The following SOCS7 variants were observed in gnomAD, a reference collection of about 807,000 sequenced individuals.
SOCS7 encodes NAP-4.
A neutral mutation model predicts 58.9 loss-of-function variants in SOCS7; 18 were observed. The ratio of observed to expected loss-of-function variants is 0.31; its 90% CI spans 0.21 to 0.45. SOCS7 has a LOEUF of 0.45. SOCS7 is among the 20% of genes least tolerant of loss of function. The pLI is 1.00. For missense variants in SOCS7, 667 were observed against 837.3 expected (o/e 0.80, Z 2.51); for synonymous variants, 388 against 364.3 (o/e 1.06, Z -0.74).
At chr17:38,366,513 G>A in intron 5 of SOCS7, 96 bp downstream of exon 5, 1 of 1,465,008 alleles carries the variant, frequency 6.8e-7, no homozygotes, top group South Asian at 1.2e-5. Context: ...TTTATTTTTA[G>A]AGACAGGGTC....
chr17:38,368,102 T>A, intron 6 of SOCS7, 52 bp downstream of exon 6: 5 of 1,494,704 alleles, frequency 3.3e-6, no homozygotes, highest in Admixed American at 2.1e-5. Flanking sequence ...TGCTCTACCT[T>A]TGCTGTCTGA....
Position 38,351,922 on chromosome 17 carries a change from A to T in SOCS7, c.-131A>T, listed in dbSNP as rs1262107219. Among the ~76,000 whole-genome samples, 1 of 150,292 alleles carries T rather than the reference A, an allele frequency of 6.7e-6. No individual in the cohort carries two copies. Among genetic ancestry groups the T allele is most frequent in the East Asian group, 2.0e-4 (1 of 5,008 alleles). On this transcript the variant is annotated 5_prime_UTR_variant, in exon 1 of 10. It removes an upstream start codon present in the reference 5' UTR. Coordinates refer to ENST00000612932, the MANE Select transcript of SOCS7 (RefSeq NM_014598.4). ...CTCCGCGCGCCCCCCGCCCCCCTCT[A>T]TGAGGCAGAGGCCGCGGCGGCCGTT... is the stretch of plus-strand genomic sequence containing the variant.
At chr17:38,397,181 C>T (rs986648752) in intron 9 of SOCS7, among the ~76,000 whole-genome samples, 6 of 152,086 alleles carry the variant, frequency 3.9e-5, no homozygotes, top group Admixed American at 6.5e-5. Context: ...ACCCAGAGCA[C>T]GGAGGTTTTA....
chr17:38,359,996 A>C (rs2037694682), intron 1 of SOCS7, among the ~76,000 whole-genome samples: 1 of 151,174 alleles, frequency 6.6e-6, no homozygotes, highest in African/African-American at 2.4e-5. Context: ...CAGGCTGGTC[A>C]CGAACTCCTG....
intron 1 of SOCS7, among the ~76,000 whole-genome samples, chr17:38,356,142 T>C (rs1555566775): frequency 6.6e-6 from 1 of 152,014 alleles, no homozygotes; most frequent in African/African-American, 2.4e-5. Context: ...CTGCCTGCCT[T>C]GGCCTCCCAA....
At chr17:38,362,777 T>C (rs1347677333) in intron 2 of SOCS7, among the ~76,000 whole-genome samples, 1 of 152,218 alleles carries the variant, frequency 6.6e-6, no homozygotes, top group Non-Finnish European at 1.5e-5. Flanking sequence ...TGCGATACCA[T>C]GTCTTTCTAG....
At chr17:38,380,745 G>C (rs953657638) in intron 7 of SOCS7, among the ~76,000 whole-genome samples, 4 of 152,192 alleles carry the variant, frequency 2.6e-5, no homozygotes, top group African/African-American at 9.6e-5. Flanking sequence ...TGTAGTCCCA[G>C]CTACCTGGGA....
At chr17:38,383,306 C>T (rs1386860772) in intron 7 of SOCS7, among the ~76,000 whole-genome samples, 1 of 152,114 alleles carries the variant, frequency 6.6e-6, no homozygotes, top group Non-Finnish European at 1.5e-5. Flanking sequence ...CAATGCCTGA[C>T]ACAGAGTAAG....
intron 6 of SOCS7, among the ~76,000 whole-genome samples, chr17:38,370,200 G>A (rs1006418119): frequency 3.3e-5 from 5 of 151,912 alleles, no homozygotes; most frequent in South Asian, 2.1e-4. Context: ...GTTTTGCCAC[G>A]TTGGCCAGGC....
At chr17:38,365,851 C>A in intron 4 of SOCS7, 1 of 341,410 alleles carries the variant, frequency 2.9e-6, no homozygotes, top group Non-Finnish European at 4.3e-6. Flanking sequence ...GCTTACAGTA[C>A]CCAAGGAATA....
intron 6 of SOCS7, 121 bp downstream of exon 6, chr17:38,368,171 G>C (rs950351606): frequency 4.6e-6 from 4 of 863,706 alleles, no homozygotes; most frequent in Non-Finnish European, 7.0e-6. Context: ...AATTATCTTA[G>C]ACTCAGTTGA....
At chr17:38,394,988 T>C (rs2038226686) in intron 7 of SOCS7, among the ~76,000 whole-genome samples, 4 of 152,196 alleles carry the variant, frequency 2.6e-5, no homozygotes, top group Admixed American at 2.6e-4. Flanking sequence ...AGGTCAAGGC[T>C]GCAGTGAGCT....
chr17:38,395,039 G>C (rs956822916), intron 7 of SOCS7, among the ~76,000 whole-genome samples: 2 of 152,164 alleles, frequency 1.3e-5, no homozygotes, highest in Admixed American at 6.6e-5. Context: ...GACAGAACGA[G>C]ACCCTGTCTC....
chr17:38,391,666 G>T (rs2038174680), intron 7 of SOCS7, among the ~76,000 whole-genome samples: 1 of 152,196 alleles, frequency 6.6e-6, no homozygotes, highest in Admixed American at 6.5e-5. Context: ...CTCCCAAGGT[G>T]CTGGGATTAC....
At chr17:38,391,413 C>T (rs1415027091) in intron 7 of SOCS7, among the ~76,000 whole-genome samples, 1 of 152,064 alleles carries the variant, frequency 6.6e-6, no homozygotes, top group African/African-American at 2.4e-5. Context: ...TTTTTTTAGA[C>T]AGGGTCTTAC....
chr17:38,381,972 AAACC>A (rs2038008365), intron 7 of SOCS7, among the ~76,000 whole-genome samples: 7 of 131,510 alleles, frequency 5.3e-5, no homozygotes, highest in African/African-American at 2.1e-4. Flanking sequence ...AAAAAAAAAA[AAACC>A]TAAAAAAACT....
At chr17:38,379,184 A>AC (rs1335919324) in intron 7 of SOCS7, among the ~76,000 whole-genome samples, 4 of 151,166 alleles carry the variant, frequency 2.6e-5, no homozygotes, top group South Asian at 2.1e-4. Context: ...AAAAAACAAA[A>AC]AAAAAAAAAC....
At chr17:38,375,135 CAGTGAGCTGTGA>C in intron 6 of SOCS7, among the ~76,000 whole-genome samples, 1 of 152,236 alleles carries the variant, frequency 6.6e-6, no homozygotes, top group Middle Eastern at 3.4e-3. Flanking sequence ...TTCAAGGATG[CAGTGAGCTGTGA>C]TCATGCCACT....
chr17:38,388,814 A>G (rs985025562), intron 7 of SOCS7, among the ~76,000 whole-genome samples: 1 of 152,210 alleles, frequency 6.6e-6, no homozygotes, highest in Non-Finnish European at 1.5e-5. Flanking sequence ...GTGTTGTAGC[A>G]TCTGTCAGCA....
Sources: gnomAD v4.1 joint callset for allele counts (sites outside exome capture counted in the v4.1 genomes callset) on GRCh38, gnomAD v4.1.1 for gene constraint, MANE v1.5 for transcripts, NCBI Gene and HGNC (gene_info 2026-07-23, HGNC 2026-07-21) for gene names.